The following KIF1A variants were observed in gnomAD, a reference collection of about 807,000 sequenced individuals.
KIF1A encodes the protein kinesin-like protein KIF1A.
KIF1A carries 46 observed loss-of-function variants against 227.3 expected under a neutral mutation model. The observed-to-expected ratio is 0.20, with a 90% CI of 0.16 to 0.26. The LOEUF (loss-of-function observed/expected upper bound fraction) is 0.26. Ranked by LOEUF, KIF1A falls within the 10% of genes least tolerant of loss-of-function variation. KIF1A has a pLI of 1.00. For missense variants in KIF1A, 1,683 were observed against 2,485.9 expected, an observed-to-expected ratio of 0.68 and a Z score of 6.87; for synonymous variants, 1,022 against 1,012.8, an observed-to-expected ratio of 1.01 and a Z score of -0.17.
chr2:240,737,550 AAAGG>A (rs2047483216), intron 37 of KIF1A: 2 of 141,732 alleles, frequency 1.4e-5, no homozygotes, highest in South Asian at 5.3e-4. Flanking sequence ...AATAACAAGG[AAAGG>A]GAGGGAGGGA....
intron 45 of KIF1A, 77 bp from the exon 46 acceptor site, chr2:240,720,003 C>T (rs2045103936): frequency 6.9e-7 from 1 of 1,449,624 alleles, no homozygotes; most frequent in East Asian, 2.5e-5. Flanking sequence ...CTTCACCCTC[C>T]TCAGAGCACC....
intron 1 of KIF1A, among the ~76,000 whole-genome samples, chr2:240,804,190 T>C (rs1169162376): frequency 6.6e-6 from 1 of 152,168 alleles, no homozygotes; most frequent in Non-Finnish European, 1.5e-5. Context: ...TGCTTGAACC[T>C]GGGAAGCAGA....
In KIF1A at chr2:240,775,987, G is replaced by A; in HGVS notation, c.883-61C>T. 1 of 1,199,018 alleles carries A rather than the reference G, an allele frequency of 8.3e-7. No homozygotes were observed. Among genetic ancestry groups the A allele is most frequent in the East Asian group, 2.3e-5 (1 of 42,598 alleles). 74.3% of individuals were successfully genotyped at this position (1,199,018 alleles called of 1,614,324 possible). ...CCACTGCAGAGGAAGCGAAAGGGAG[G>A]GGCCAGCGCAGGCCCTGCCAAGTGG... On this transcript the variant is annotated intron_variant, in intron 10 of 48. Coordinates refer to ENST00000498729, the MANE Select transcript of KIF1A (RefSeq NM_001244008.2). The surrounding 1 kb of genome is among the most constrained non-coding windows in gnomAD (Gnocchi z 5.5).
At chr2:240,723,109 C>G (rs2045607430) in intron 42 of KIF1A, among the ~76,000 whole-genome samples, 1 of 152,248 alleles carries the variant, frequency 6.6e-6, no homozygotes. Context: ...CCGCAGAGGG[C>G]AGCCCAGCCC....
intron 10 of KIF1A, among the ~76,000 whole-genome samples, chr2:240,777,298 G>C (rs943612046): frequency 6.6e-5 from 10 of 152,096 alleles, no homozygotes; most frequent in Non-Finnish European, 1.2e-4. Flanking sequence ...CCCACCTCGG[G>C]CTCCCAAAGT....
intron 10 of KIF1A, among the ~76,000 whole-genome samples, chr2:240,777,775 GC>G (rs529243993): frequency 2.6e-5 from 4 of 152,230 alleles, no homozygotes; most frequent in Non-Finnish European, 5.9e-5. Flanking sequence ...CCTCAGACGG[GC>G]CCGGCTCCTG....
chr2:240,770,800 G>A (rs2051857289), intron 15 of KIF1A, among the ~76,000 whole-genome samples, 171 bp downstream of exon 15: 1 of 152,192 alleles, frequency 6.6e-6, no homozygotes, highest in Non-Finnish European at 1.5e-5. Context: ...TGGGTGGTCT[G>A]GAGATAGACC....
At position 240,766,518 on chromosome 2, in the gene KIF1A, C is replaced by T. The variant is rs2125922355; in HGVS notation, c.1684+397G>A. On this transcript the variant is annotated intron_variant, in intron 19 of 48. Transcript: ENST00000498729. The surrounding 1 kb of genome is among the most constrained non-coding windows in gnomAD (Gnocchi z 5.0). ...CAATCCTCATGGCTCACTGTCCTCC[C>T]GCCATGAACATCCTCCACCCTGGGC... 6.6e-6 allele frequency among the ~76,000 whole-genome samples: 1 copy of T among 152,216 alleles called. No individual in the cohort carries two copies. Among genetic ancestry groups the T allele is most frequent in the East Asian group, 1.9e-4 (1 of 5,168 alleles).
Position 240,740,999 on chromosome 2 carries a change from C to T in KIF1A, c.3749+270G>A, listed in dbSNP as rs2047890303. Among the ~76,000 whole-genome samples, 2 of 152,126 alleles carry T rather than the reference C, an allele frequency of 1.3e-5. No homozygotes were observed. Among genetic ancestry groups the T allele is most frequent in the Non-Finnish European group, 2.9e-5 (2 of 68,014 alleles). Reference sequence around the variant, plus strand: ...TGCCCCTGAGCCATACCCTGGTTTGCTGTCCTAGTGCTCAGGACCATGGGG... The same window carrying T: ...TGCCCCTGAGCCATACCCTGGTTTGTTGTCCTAGTGCTCAGGACCATGGGG... On this transcript the variant is annotated intron_variant, in intron 35 of 48. Transcript: ENST00000498729. The surrounding 1 kb of genome is among the most constrained non-coding windows in gnomAD (Gnocchi z 6.1).
chr2:240,733,332 C>T (rs944255288), intron 38 of KIF1A, among the ~76,000 whole-genome samples: 9 of 152,096 alleles, frequency 5.9e-5, no homozygotes, highest in Non-Finnish European at 7.4e-5. Flanking sequence ...CTAGCTAGCA[C>T]GATGCCATCT....
intron 38 of KIF1A, among the ~76,000 whole-genome samples, chr2:240,732,270 TGAAG>T (rs2046780789): frequency 2.6e-5 from 1 of 38,326 alleles, no homozygotes; most frequent in Admixed American, 3.5e-4. Context: ...GGAGGAGGGA[TGAAG>T]GGAGAAGGGG....
At chr2:240,796,872 C>T (rs1221350408) in intron 2 of KIF1A, among the ~76,000 whole-genome samples, 2 of 152,226 alleles carry the variant, frequency 1.3e-5, no homozygotes, top group African/African-American at 2.4e-5. Flanking sequence ...AGGAAGCTTC[C>T]ATGGGACCTG....
intron 10 of KIF1A, chr2:240,781,863 T>A: frequency 4.1e-6 from 4 of 985,398 alleles, no homozygotes; most frequent in Non-Finnish European, 4.8e-6. Context: ...CAGTTCTTCC[T>A]GCAGCCCCAC....
At chr2:240,748,814 A>G (rs181102261) in intron 28 of KIF1A, 66 of 185,312 alleles carry the variant, frequency 3.6e-4, no homozygotes, top group Non-Finnish European at 6.0e-4. Context: ...TTTAGAAATT[A>G]TGGGCTAGGC....
chr2:240,794,799 C>A (rs182711982), intron 2 of KIF1A, among the ~76,000 whole-genome samples: 1 of 152,198 alleles, frequency 6.6e-6, no homozygotes, highest in African/African-American at 2.4e-5. Flanking sequence ...CACAACCTGC[C>A]TTTTGCTTGC....
chr2:240,806,554 C>G (rs529520703), intron 1 of KIF1A, among the ~76,000 whole-genome samples: 121 of 152,278 alleles, frequency 7.9e-4, no homozygotes, highest in Admixed American at 2.4e-3. Context: ...TCTAGAAAAG[C>G]TTAAGAACAG....
intron 20 of KIF1A, among the ~76,000 whole-genome samples, 175 bp from the exon 21 acceptor site, chr2:240,763,521 C>T (rs1366139214): frequency 6.6e-6 from 1 of 152,202 alleles, no homozygotes; most frequent in Non-Finnish European, 1.5e-5. Context: ...CCTCACTCTC[C>T]CCATAAATCC....
At position 240,725,351 on chromosome 2, in the gene KIF1A, G is replaced by C; in HGVS notation, c.4176C>G (p.Phe1392Leu). The C allele has an allele frequency of 6.2e-7, 1 of 1,612,198 alleles. No homozygotes were observed. The highest frequency in any genetic ancestry group is 1.1e-5 in the South Asian group (1 of 90,948). Residue 1392 changes from phenylalanine (F) to leucine (L), a missense_variant, in exon 40 of 49, where the codon TTC becomes TTG. By Grantham distance (22) the Phe-to-Leu change is conservative (BLOSUM62 0). This residue lies in a region of KIF1A where 759 missense variants were observed against 1,020.2 expected (regional missense o/e 0.74). Coordinates refer to ENST00000498729, the MANE Select transcript of KIF1A (RefSeq NM_001244008.2). This position sits in a 1 kb window ranked among gnomAD's most constrained non-coding sequence, Gnocchi z 5.8. Reference sequence around the variant, plus strand: ...CTGGCAGCTTGGCATCACGGGAATAGAAGACCATGCAGAAGTCCTTGGTGA... The same window carrying C: ...CTGGCAGCTTGGCATCACGGGAATACAAGACCATGCAGAAGTCCTTGGTGA... ...AVVTKDFCMV[F>L]YSRDAKLPAS...
intron 25 of KIF1A, among the ~76,000 whole-genome samples, chr2:240,759,279 G>C (rs2050227136): frequency 6.6e-6 from 1 of 152,014 alleles, no homozygotes. Flanking sequence ...GGGCTGCCCA[G>C]GTCCTGATAA....
Sources: gnomAD v4.1 joint callset for allele counts (sites outside exome capture counted in the v4.1 genomes callset) on GRCh38, gnomAD v4.1.1 for gene constraint, gnomAD v4.1.1 regional missense constraint, Gnocchi (gnomAD v3.1) non-coding constraint, MANE v1.5 for transcripts, NCBI Gene and HGNC (gene_info 2026-07-23, HGNC 2026-07-21) for gene names.